Variants in CNTN5 observed in about 807,000 individuals in gnomAD.
The protein encoded by CNTN5 is contactin-5.
CNTN5 carries 77 observed loss-of-function variants against 129.1 expected under a neutral mutation model. The observed-to-expected ratio is 0.60, with a 90% CI of 0.50 to 0.72. The LOEUF (loss-of-function observed/expected upper bound fraction) is 0.72, where lower values mean the gene tolerates loss of function less well. CNTN5 is among the 30% of genes least tolerant of loss of function. The probability of loss-of-function intolerance (pLI) is 0.00; values close to 1 mark genes in which losing one functional copy is unlikely to be tolerated. For synonymous variants in CNTN5, 509 were observed against 465.6 expected (o/e 1.09, Z -1.20); for missense variants, 1,478 against 1,328.8 (o/e 1.11, Z -1.75).
At chr11:100,123,471 C>G (rs565040867) in intron 13 of CNTN5, among the ~76,000 whole-genome samples, 1 of 151,802 alleles carries the variant, frequency 6.6e-6, no homozygotes, top group African/African-American at 2.4e-5. Flanking sequence ...TAGTTTAAAC[C>G]TTTTGATGTC....
At chr11:100,100,705 TCTTGG>T (rs1945190039) in intron 13 of CNTN5, among the ~76,000 whole-genome samples, 1 of 152,108 alleles carries the variant, frequency 6.6e-6, no homozygotes, top group African/African-American at 2.4e-5. Flanking sequence ...TCAGACGTCT[TCTTGG>T]CTCGTATTAC....
chr11:100,183,673 G>A (rs901742762), intron 13 of CNTN5, among the ~76,000 whole-genome samples: 2 of 152,076 alleles, frequency 1.3e-5, no homozygotes, highest in African/African-American at 2.4e-5. Flanking sequence ...TGAGGGTGAT[G>A]CATATGTTTA....
At chr11:100,092,288 C>G (rs1257764175) in intron 13 of CNTN5, among the ~76,000 whole-genome samples, 1 of 152,108 alleles carries the variant, frequency 6.6e-6, no homozygotes, top group Non-Finnish European at 1.5e-5. Context: ...AAAGAAACAG[C>G]AGTGGGGTGT....
chr11:99,976,799 G>A (rs1202311746), intron 8 of CNTN5, among the ~76,000 whole-genome samples: 1 of 152,190 alleles, frequency 6.6e-6, no homozygotes, highest in African/African-American at 2.4e-5. Flanking sequence ...AACATGCCCT[G>A]GAAACACTTT....
At chr11:99,469,407 C>A (rs945451049) in intron 2 of CNTN5, among the ~76,000 whole-genome samples, 4 of 152,212 alleles carry the variant, frequency 2.6e-5, no homozygotes, top group African/African-American at 9.6e-5. Context: ...AAAACTACTA[C>A]AAATATATCA....
intron 3 of CNTN5, among the ~76,000 whole-genome samples, chr11:99,560,020 A>C (rs1411938493): frequency 1.3e-5 from 2 of 152,144 alleles, no homozygotes; most frequent in African/African-American, 4.8e-5. Flanking sequence ...GGAGACTATA[A>C]ACAGATCAGT....
At chr11:99,579,984 T>A (rs571879957) in intron 3 of CNTN5, among the ~76,000 whole-genome samples, 2 of 151,030 alleles carry the variant, frequency 1.3e-5, no homozygotes, top group Non-Finnish European at 2.9e-5. Flanking sequence ...AGATAGCTCT[T>A]ACTATTTTGA....
chr11:99,990,061 G>A (rs1938966997), intron 8 of CNTN5, among the ~76,000 whole-genome samples: 1 of 152,048 alleles, frequency 6.6e-6, no homozygotes, highest in African/African-American at 2.4e-5. Context: ...CACTGCACCT[G>A]GTCTCTAACA....
chr11:99,922,491 T>C (rs1949963949), intron 7 of CNTN5, among the ~76,000 whole-genome samples: 1 of 152,206 alleles, frequency 6.6e-6, no homozygotes, highest in Admixed American at 6.5e-5. Flanking sequence ...ATTGATATTA[T>C]GAAATTAGTA....
chr11:99,987,143 C>A (rs73555204), intron 8 of CNTN5, among the ~76,000 whole-genome samples: 9,813 of 152,116 alleles, frequency 0.065, 535 homozygotes, highest in African/African-American at 0.14. Context: ...TGCCACCTGT[C>A]ACCCACATAT....
chr11:99,105,454 C>T (rs1006049660), intron 1 of CNTN5, among the ~76,000 whole-genome samples: 1 of 152,012 alleles, frequency 6.6e-6, no homozygotes, highest in South Asian at 2.1e-4. Context: ...TTTTATGTTA[C>T]CTTAATAAAT....
At chr11:99,739,211 T>G (rs1223842386) in intron 3 of CNTN5, among the ~76,000 whole-genome samples, 2 of 152,152 alleles carry the variant, frequency 1.3e-5, no homozygotes, top group Non-Finnish European at 2.9e-5. Flanking sequence ...TTATTTATAA[T>G]AATATAAATT....
At chr11:100,124,755 A>G (rs1946130567) in intron 13 of CNTN5, among the ~76,000 whole-genome samples, 1 of 152,062 alleles carries the variant, frequency 6.6e-6, no homozygotes, top group South Asian at 2.1e-4. Flanking sequence ...GGGGTCTTGT[A>G]GAGAAACTCA....
intron 1 of CNTN5, among the ~76,000 whole-genome samples, chr11:99,107,449 A>C (rs958912874): frequency 2.0e-5 from 3 of 152,134 alleles, no homozygotes; most frequent in Non-Finnish European, 4.4e-5. Context: ...TTTACATTAC[A>C]TATTTTAGTT....
At chr11:99,541,956 CAAAAAA>C (rs56363127) in intron 2 of CNTN5, among the ~76,000 whole-genome samples, 4 of 68,870 alleles carry the variant, frequency 5.8e-5, no homozygotes, top group East Asian at 3.9e-4. Flanking sequence ...GATCTTGTCT[CAAAAAA>C]AAAAAAAAAA....
intron 16 of CNTN5, among the ~76,000 whole-genome samples, chr11:100,254,692 A>G (rs1036724487): frequency 6.6e-6 from 1 of 152,174 alleles, no homozygotes; most frequent in Non-Finnish European, 1.5e-5. Flanking sequence ...CTCTCTATTC[A>G]AAGGTCTTCA....
intron 13 of CNTN5, among the ~76,000 whole-genome samples, chr11:100,149,466 A>G (rs1392880593): frequency 6.6e-6 from 1 of 152,206 alleles, no homozygotes; most frequent in East Asian, 1.9e-4. Flanking sequence ...GCTATGATAA[A>G]TTCAGTTTAA....
chr11:99,428,406 CA>C, intron 2 of CNTN5, among the ~76,000 whole-genome samples: 1 of 151,504 alleles, frequency 6.6e-6, no homozygotes. Context: ...CAAAAACATA[CA>C]AAAATTAGCT....
chr11:99,529,434 G>A (rs1947613479), intron 2 of CNTN5, among the ~76,000 whole-genome samples: 1 of 152,162 alleles, frequency 6.6e-6, no homozygotes, highest in African/African-American at 2.4e-5. Flanking sequence ...CAAGGTAACA[G>A]TTACACTTAA....
Sources: gnomAD v4.1 joint callset for allele counts (sites outside exome capture counted in the v4.1 genomes callset) on GRCh38, gnomAD v4.1.1 for gene constraint, MANE v1.5 for transcripts, NCBI Gene and HGNC (gene_info 2026-07-23, HGNC 2026-07-21) for gene names.